ZAN: variants seen among roughly 807,000 people sequenced by gnomAD.
The protein encoded by ZAN is zonadhesin (gene/pseudogene).
ZAN carries 260 observed loss-of-function variants against 286.2 expected under a neutral mutation model. The ratio of observed to expected loss-of-function variants is 0.91; its 90% CI spans 0.82 to 1.01. The LOEUF is 1.01. Among genes scored for constraint, ZAN ranks in the 50% least tolerant of loss-of-function variants. ZAN has a pLI of 0.00. For missense variants in ZAN, 3,410 were observed against 3,639.2 expected, an observed-to-expected ratio of 0.94 and a Z score of 1.62; for synonymous variants, 1,368 against 1,417.5, an observed-to-expected ratio of 0.97 and a Z score of 0.79.
chr7:100,758,439 G>T, intron 16 of ZAN, 92 bp from the exon 17 acceptor site: 1 of 1,576,324 alleles, frequency 6.3e-7, no homozygotes, highest in Non-Finnish European at 8.6e-7. Context: ...AGGATTGGGG[G>T]CCTGCCACCG....
chr7:100,783,840 T>C (rs577575755), intron 35 of ZAN, among the ~76,000 whole-genome samples: 1 of 130,570 alleles, frequency 7.7e-6, no homozygotes, highest in South Asian at 2.4e-4. Context: ...GTATATTTTA[T>C]TGAGATCACA....
intron 7 of ZAN, among the ~76,000 whole-genome samples, chr7:100,744,427 G>A (rs1158145276): frequency 2.7e-5 from 4 of 150,424 alleles, no homozygotes; most frequent in South Asian, 2.1e-4. Flanking sequence ...AGCGAAACCC[G>A]TCTCTACTAA....
Position 100,767,146 on chromosome 7 carries a change from G to T in ZAN, c.4749G>T (p.Val1583=), listed in dbSNP as rs374910400. 75 of 1,613,852 alleles carry T rather than the reference G, an allele frequency of 4.6e-5. No individual in the cohort carries two copies. Among genetic ancestry groups the T allele is most frequent in the Non-Finnish European group, 6.2e-5 (73 of 1,179,868 alleles). ...WSRSQDSYFV[V]SATNENRGGI... is the part of the protein sequence containing the mutation. ...GGTCCCAAGACAGCTATTTTGTTGT[G>T]AGCGCCACCAACGAGAACCGCGGGG... The change falls in exon 25 of 48, where the codon GTG becomes GTT. Residue 1583 remains valine, a synonymous_variant. Coordinates refer to ENST00000613979, the MANE Select transcript of ZAN (RefSeq NM_003386.3).
chr7:100,758,785 T>A, intron 17 of ZAN, 135 bp downstream of exon 17: 3 of 1,408,846 alleles, frequency 2.1e-6, no homozygotes, highest in Non-Finnish European at 1.9e-6. Flanking sequence ...AGTTCTTCTG[T>A]AAGGTGAGGG....
intron 27 of ZAN, among the ~76,000 whole-genome samples, chr7:100,769,547 T>C (rs1225695769): frequency 6.6e-6 from 1 of 151,554 alleles, no homozygotes; most frequent in Non-Finnish European, 1.5e-5. Context: ...CTTTCCTTTT[T>C]TTCTTTTCTT....
In ZAN at chr7:100,797,460, G is replaced by A. The variant is rs1252858268; in HGVS notation, c.8361G>A (p.Arg2787=). The A allele has an allele frequency of 5.6e-6, 9 of 1,613,864 alleles. No homozygotes were observed. Among genetic ancestry groups the A allele is most frequent in the Non-Finnish European group, 7.6e-6 (9 of 1,179,836 alleles). The change falls in exon 46 of 48, where the codon AGG becomes AGA. Residue 2787 remains arginine, a synonymous_variant. Coordinates refer to ENST00000613979, the MANE Select transcript of ZAN (RefSeq NM_003386.3). ...GAGAGTGCATTTACAGAACGAGGAG[G>A]AAGAGGTGAGTCCTGGGAAGGAGAG... The part of the protein sequence containing the change: ...VTRECIYRTR[R]KREKTQEGDR...
At chr7:100,790,484 C>T (rs906704180) in intron 39 of ZAN, among the ~76,000 whole-genome samples, 11 of 150,710 alleles carry the variant, frequency 7.3e-5, no homozygotes, top group African/African-American at 2.7e-4. Flanking sequence ...ATGGAGTGAA[C>T]CTGGGAGGCG....
intron 12 of ZAN, 60 bp from the exon 13 acceptor site, chr7:100,751,122 C>A: frequency 6.9e-7 from 1 of 1,439,538 alleles, no homozygotes; most frequent in Non-Finnish European, 9.4e-7. Context: ...AGTGGAATCA[C>A]AGAGTTGCTG....
Position 100,775,654 on chromosome 7 carries a change from T to C in ZAN, c.6028-15T>C, listed in dbSNP as rs7810369. On this transcript the variant is annotated splice_polypyrimidine_tract_variant and intron_variant, in intron 32 of 47. Coordinates refer to ENST00000613979, the MANE Select transcript of ZAN (RefSeq NM_003386.3). ...TGTCCCTGCTCCTACTCACCGTCAC[T>C]GTCCTCCTGTTTAGATCAACAGCAA... 12,543 of 1,613,582 alleles carry C rather than the reference T, an allele frequency of 7.8e-3. 826 individuals carry two copies. In the African/African-American group the frequency reaches 0.15, roughly 19 times the overall value.
At chr7:100,749,389 C>T (rs969361693) in intron 11 of ZAN, among the ~76,000 whole-genome samples, 18 of 151,802 alleles carry the variant, frequency 1.2e-4, no homozygotes, top group African/African-American at 3.9e-4. Context: ...ACCTGTAATC[C>T]CAGCACTTTG....
chr7:100,755,510 C>G, intron 15 of ZAN, 100 bp downstream of exon 15: 2 of 1,365,464 alleles, frequency 1.5e-6, no homozygotes, highest in Admixed American at 2.1e-5. Context: ...ACAGGGATCA[C>G]CGGATAGTCC....
rs1428499989 is a variant in ZAN, at chr7:100,762,208, C to T, written c.3843-7C>T. 3 of 1,612,490 alleles carry T rather than the reference C, an allele frequency of 1.9e-6. No homozygotes were observed. Among genetic ancestry groups the T allele is most frequent in the African/African-American group, 1.3e-5 (1 of 74,780 alleles). The stretch of plus-strand genomic sequence containing the variant: ...CATTAACGCCAGCTCCTCTCCTGTT[C>T]CCCTAGCACATACTCTGGCAAACTC... On this transcript the variant is annotated splice_region_variant and splice_polypyrimidine_tract_variant and intron_variant, in intron 19 of 47. Transcript: ENST00000613979.
In ZAN at chr7:100,779,538, C is replaced by G; in HGVS notation, c.6410C>G (p.Ala2137Gly). 1 of 1,612,356 alleles carries G rather than the reference C, an allele frequency of 6.2e-7. No homozygotes were observed. Among genetic ancestry groups the G allele is most frequent in the Non-Finnish European group, 8.5e-7 (1 of 1,179,314 alleles). Reference protein sequence around the residue: ...GNCRAADLRRAREKCEAALRA... With the variant: ...GNCRAADLRRGREKCEAALRA... ...TGCAGGGCGGCCGACCTCCGCAGGG[C>G]GCGGGAAAAGTGCGAGGCAGCGCTC... The change falls in exon 35 of 48, where the codon GCG becomes GGG. Residue 2137 changes from alanine to glycine, a missense_variant. By Grantham distance (60) the Ala-to-Gly change is moderately conservative (BLOSUM62 0). Transcript: ENST00000613979.
rs76687973 is a variant in ZAN at position 100,771,921 on chromosome 7, A to C, written c.5326A>C (p.Lys1776Gln). 6.2e-7 allele frequency: 1 copy of C among 1,613,012 alleles called. No homozygotes were observed. Among genetic ancestry groups the C allele is most frequent in the Non-Finnish European group, 8.5e-7 (1 of 1,179,818 alleles). ...TTGCGTGCATGGTCAGTGTGGGACC[A>C]AGGGCGACACCACAGCCCTGTGCCG... The part of the protein sequence containing the change: ...ASCVHGQCGT[K>Q]GDTTALCRSL... Residue 1776 changes from lysine to glutamine, a missense_variant, in exon 29 of 48, where the codon AAG becomes CAG. Physicochemically the swap from Lys to Gln is moderately conservative, Grantham distance 53. This residue lies in a region of ZAN where 27 missense variants were observed against 58.7 expected (regional missense o/e 0.46). Transcript: ENST00000613979.
chr7:100,760,601 T>C (rs1809498002), intron 19 of ZAN, 65 bp downstream of exon 19: 2 of 1,586,050 alleles, frequency 1.3e-6, no homozygotes, highest in Non-Finnish European at 1.7e-6. Flanking sequence ...CTGCCTCTTC[T>C]TCCTGCTGCC....
intron 45 of ZAN, among the ~76,000 whole-genome samples, chr7:100,796,097 C>A (rs574572721): frequency 1.3e-4 from 19 of 151,714 alleles, no homozygotes; most frequent in Admixed American, 7.2e-4. Flanking sequence ...AAAACAAAAA[C>A]CAAAAACAAA....
At chr7:100,791,143 G>C in intron 40 of ZAN, 30 bp downstream of exon 40, 1 of 1,597,146 alleles carries the variant, frequency 6.3e-7, no homozygotes, top group Non-Finnish European at 8.5e-7. Context: ...TGAGGCGGGG[G>C]AGGTGAACAA....
In ZAN at chr7:100,759,726, T is replaced by A. The variant is rs1457544229; in HGVS notation, c.3577T>A (p.Phe1193Ile). ...AQPCGNSTDPFFRVTAKNEEQ... is the reference protein window; with the variant it reads ...AQPCGNSTDPIFRVTAKNEEQ... ...TCATTCCTCTCCCTACCCAGACCCA[T>A]TCTTCAGGGTGACAGCCAAGAATGA... Residue 1193 changes from phenylalanine to isoleucine, a missense_variant, in exon 18 of 48, where the codon TTC (phenylalanine) becomes ATC (isoleucine). Coordinates refer to ENST00000613979, the MANE Select transcript of ZAN (RefSeq NM_003386.3). The A allele has an allele frequency of 6.3e-7, 1 of 1,586,366 alleles. No individual in the cohort carries two copies. The highest frequency in any genetic ancestry group is 1.2e-5 in the South Asian group (1 of 86,632).
rs959903163 is a variant in ZAN at position 100,792,434 on chromosome 7, A to G, written c.7742A>G (p.Gln2581Arg). The G allele has an allele frequency of 6.2e-7, 1 of 1,613,542 alleles. No individual in the cohort carries two copies. The highest frequency in any genetic ancestry group is 1.3e-5 in the African/African-American group (1 of 74,910). ...EHCVLDLCSAQDPREQEELRC... is the reference protein window; with the variant it reads ...EHCVLDLCSARDPREQEELRC... ...TGCGTGCTGGATCTGTGCTCTGCTC[A>G]GGACCCAAGAGAGCAAGAGGAGCTG... Residue 2581 changes from glutamine (Q) to arginine (R), a missense_variant, in exon 42 of 48, where the codon CAG becomes CGG. Gln to Arg is a conservative substitution (Grantham distance 43). This residue lies in a region of ZAN where 1,289 missense variants were observed against 1,314.3 expected (regional missense o/e 0.98). Transcript: ENST00000613979.
Sources: allele counts gnomAD v4.1 joint callset (sites outside exome capture counted in the v4.1 genomes callset), GRCh38; gene constraint gnomAD v4.1.1; regional missense constraint gnomAD v4.1.1; transcripts MANE v1.5; gene names NCBI Gene and HGNC (gene_info 2026-07-23, HGNC 2026-07-21).